SNX18: variants seen among roughly 807,000 people sequenced by gnomAD.
SNX18 encodes sorting nexin 18, also known as sorting nexin-18.
In SNX18, 35 loss-of-function variants were observed where a neutral mutation model predicts 48.7. That is an observed-to-expected ratio of 0.72 (90% CI 0.55 to 0.95). The LOEUF (loss-of-function observed/expected upper bound fraction) is 0.95. SNX18 is among the 40% of genes least tolerant of loss of function. The pLI, the probability that SNX18 is intolerant of heterozygous loss-of-function variation, is 0.00. For missense variants in SNX18, 824 were observed against 871.0 expected (o/e 0.95, Z 0.68); for synonymous variants, 492 against 384.7 (o/e 1.28, Z -3.26).
At chr5:54,617,034 G>A in the SNX18 span, among the ~76,000 whole-genome samples, 1 of 152,172 alleles carries the variant, frequency 6.6e-6, no homozygotes, top group Non-Finnish European at 1.5e-5. Context: ...CCTTCGACAT[G>A]AAGGAGGTCT....
the SNX18 span, among the ~76,000 whole-genome samples, chr5:54,646,708 A>T: frequency 2.6e-5 from 4 of 152,210 alleles, no homozygotes; most frequent in African/African-American, 9.6e-5. Context: ...TTATGCCAAG[A>T]TATGTGTTTA....
At chr5:54,578,005 C>T in the SNX18 span, among the ~76,000 whole-genome samples, 1 of 152,170 alleles carries the variant, frequency 6.6e-6, no homozygotes, top group African/African-American at 2.4e-5. Flanking sequence ...GCCCAGTTTG[C>T]TCCCAGACTG....
chr5:54,535,952 T>C (rs1409767580), intron 1 of SNX18, among the ~76,000 whole-genome samples: 1 of 152,194 alleles, frequency 6.6e-6, no homozygotes, highest in African/African-American at 2.4e-5. Context: ...GTGCACTTTC[T>C]GTCCTGTGGA....
At chr5:54,576,961 C>T in the SNX18 span, among the ~76,000 whole-genome samples, 5 of 152,092 alleles carry the variant, frequency 3.3e-5, no homozygotes, top group African/African-American at 7.2e-5. Context: ...ACCACCACGC[C>T]CAGCTAATTT....
the SNX18 span, among the ~76,000 whole-genome samples, chr5:54,597,865 A>G: frequency 6.6e-6 from 1 of 152,184 alleles, no homozygotes; most frequent in South Asian, 2.1e-4. Context: ...CAAAGCTAGC[A>G]GAAGACAAGA....
chr5:54,637,868 G>C, the SNX18 span, among the ~76,000 whole-genome samples: 5 of 152,336 alleles, frequency 3.3e-5, no homozygotes, highest in Non-Finnish European at 1.5e-5. Flanking sequence ...ACCTAAGTCA[G>C]AGTAGAGAGG....
the SNX18 span, among the ~76,000 whole-genome samples, chr5:54,635,328 C>A: frequency 1.2e-3 from 180 of 152,008 alleles, no homozygotes; most frequent in African/African-American, 3.1e-3. Context: ...CGCCAGCTTC[C>A]CTTTGCTGTG....
chr5:54,640,979 G>C, the SNX18 span, among the ~76,000 whole-genome samples: 26 of 152,252 alleles, frequency 1.7e-4, no homozygotes, highest in South Asian at 8.3e-4. Flanking sequence ...AGAACTGCTT[G>C]AATGTGGGAG....
intron 1 of SNX18, chr5:54,520,738 C>G (rs1005392859): frequency 1.2e-5 from 2 of 167,166 alleles, no homozygotes; most frequent in Non-Finnish European, 2.9e-5. Flanking sequence ...AGTCTCGCTT[C>G]CTTCCTCTCT....
chr5:54,525,869 T>C (rs1055973943), intron 1 of SNX18, among the ~76,000 whole-genome samples: 2 of 152,208 alleles, frequency 1.3e-5, no homozygotes, highest in African/African-American at 4.8e-5. Flanking sequence ...GTGACTGTTT[T>C]ACGGGAGCAT....
At chr5:54,543,126 C>A (rs1762503833) in intron 1 of SNX18, 53 bp from the exon 2 acceptor site, 3 of 1,546,168 alleles carry the variant, frequency 1.9e-6, no homozygotes, top group Non-Finnish European at 1.8e-6. Context: ...TAGTTATGTT[C>A]TTGGGATATG....
chr5:54,589,751 C>G, the SNX18 span, among the ~76,000 whole-genome samples: 13 of 152,126 alleles, frequency 8.5e-5, no homozygotes, highest in African/African-American at 2.9e-4. Flanking sequence ...AATGCCCAGT[C>G]AATGGATTCT....
At chr5:54,635,914 G>C in the SNX18 span, among the ~76,000 whole-genome samples, 3 of 152,180 alleles carry the variant, frequency 2.0e-5, no homozygotes, top group Non-Finnish European at 2.9e-5. Context: ...CCTACCTAGA[G>C]CATCATGTGC....
chr5:54,591,534 C>A, the SNX18 span, among the ~76,000 whole-genome samples: 2 of 152,176 alleles, frequency 1.3e-5, 1 homozygote, highest in Middle Eastern at 6.3e-3. Context: ...CAGAGCCATG[C>A]AAGGGAAGGT....
chr5:54,632,860 G>A, the SNX18 span, among the ~76,000 whole-genome samples: 2 of 151,956 alleles, frequency 1.3e-5, no homozygotes, highest in South Asian at 4.1e-4. Flanking sequence ...TGCAACCTCT[G>A]CCTCCCGGGG....
chr5:54,631,981 C>T, the SNX18 span, among the ~76,000 whole-genome samples: 1 of 152,174 alleles, frequency 6.6e-6, no homozygotes, highest in Non-Finnish European at 1.5e-5. Context: ...AACTGTACTC[C>T]CACCCCCTGC....
chr5:54,626,246 T>C, the SNX18 span, among the ~76,000 whole-genome samples: 2 of 152,372 alleles, frequency 1.3e-5, no homozygotes, highest in South Asian at 2.1e-4. Flanking sequence ...ATTGGAGTGA[T>C]GATAGAAAAA....
the SNX18 span, among the ~76,000 whole-genome samples, chr5:54,637,891 A>G: frequency 2.0e-5 from 3 of 152,180 alleles, no homozygotes; most frequent in Non-Finnish European, 4.4e-5. Flanking sequence ...TGTTCCAACC[A>G]GCTCTAGGCT....
the SNX18 span, among the ~76,000 whole-genome samples, chr5:54,615,154 C>T: frequency 6.6e-6 from 1 of 152,168 alleles, no homozygotes; most frequent in Non-Finnish European, 1.5e-5. Context: ...CCATTTTGGT[C>T]TAACAATACG....
Sources: gnomAD v4.1 joint callset for allele counts (sites outside exome capture counted in the v4.1 genomes callset) on GRCh38, gnomAD v4.1.1 for gene constraint, MANE v1.5 for transcripts, NCBI Gene and HGNC (gene_info 2026-07-23, HGNC 2026-07-21) for gene names.